The following TMEM138 variants were observed in gnomAD, a reference collection of about 807,000 sequenced individuals.
TMEM138 encodes transmembrane protein 138.
In TMEM138, 9 loss-of-function variants were observed where a neutral mutation model predicts 18.1. The ratio of observed to expected loss-of-function variants is 0.50; its 90% CI spans 0.30 to 0.87. The LOEUF is 0.87. Among genes scored for constraint, TMEM138 ranks in the 40% least tolerant of loss-of-function variants. TMEM138 has a pLI of 0.06. For missense variants in TMEM138, 189 were observed against 190.6 expected (o/e 0.99, Z 0.05); for synonymous variants, 79 against 74.8 (o/e 1.06, Z -0.29).
In TMEM138 at chr11:61,366,171, A is replaced by C; in HGVS notation, c.255A>C (p.Thr85=). 6.2e-7 allele frequency: 1 copy of C among 1,614,208 alleles called. No individual in the cohort carries two copies. Among genetic ancestry groups the C allele is most frequent in the Admixed American group, 1.7e-5 (1 of 60,020 alleles). ...FHKFKGTIIL[T]AVYFALSISL... ...AGTTCAAAGGGACCATCATCCTGAC[A>C]GCTGTGTACTTTGCCCTCAGCATCT... Residue 85 remains threonine, a synonymous_variant, in exon 3 of 5, where the codon ACA becomes ACC. Transcript: ENST00000278826.
rs1229102117 is a variant in TMEM138 at position 61,368,981 on chromosome 11, G to A, written c.*272G>A. 3 of 390,018 alleles carry A rather than the reference G, an allele frequency of 7.7e-6. No individual in the cohort carries two copies. The highest frequency in any genetic ancestry group is 2.0e-5 in the African/African-American group (1 of 49,072). The allele number at this position is 390,018 out of a possible 1,614,324, so 24.2% of individuals were successfully genotyped here. A position where few individuals can be genotyped will look rare whatever the true frequency, so the allele number is the denominator to read the frequency against. On this transcript the variant is annotated 3_prime_UTR_variant, in exon 5 of 5. Coordinates refer to ENST00000278826, the MANE Select transcript of TMEM138 (RefSeq NM_016464.5). ...TCTGTACCATTCATTCTCCCTGACC[G>A]GCCTTTCTTGCCGAGGGTTCTGTGG...
chr11:61,363,857 A>C (rs1858036055), intron 1 of TMEM138: 1 of 152,326 alleles, frequency 6.6e-6, no homozygotes, highest in Non-Finnish European at 1.5e-5. Context: ...TCTCATCTGT[A>C]AAATGGGGAA....
At chr11:61,370,443 TTGA>T (rs367706565), downstream of TMEM138, among the ~76,000 whole-genome samples, 31 of 152,332 alleles carry the variant, frequency 2.0e-4, no homozygotes, top group Non-Finnish European at 3.2e-4. Flanking sequence ...GACTAAAGCG[TTGA>T]TGATAGTGGA....
rs1056796256 is a variant in TMEM138, at chr11:61,368,962, C to T, written c.*253C>T. On this transcript the variant is annotated 3_prime_UTR_variant, in exon 5 of 5. Transcript: ENST00000278826. ...CCCTTTCCTTCCTTTCCTCTCTGTA[C>T]CATTCATTCTCCCTGACCGGCCTTT... is the stretch of plus-strand genomic sequence containing the variant. 4.4e-6 allele frequency: 2 copies of T among 452,956 alleles called. No homozygotes were observed. The highest frequency in any genetic ancestry group is 3.9e-5 in the East Asian group (1 of 25,348). 28.1% of individuals were successfully genotyped at this position (452,956 alleles called of 1,614,324 possible). A position where few individuals can be genotyped will look rare whatever the true frequency, so the allele number is the denominator to read the frequency against.
intron 2 of TMEM138, 123 bp downstream of exon 2, chr11:61,364,641 G>A: frequency 7.3e-7 from 1 of 1,371,608 alleles, no homozygotes; most frequent in Non-Finnish European, 9.8e-7. Context: ...ATAATCCCAG[G>A]ACTTTGGGAA....
Position 61,364,382 on chromosome 11 carries a change from AGAAG to A in TMEM138, c.-4_-1del. On this transcript the variant is annotated 5_prime_UTR_variant, in exon 2 of 5. Coordinates refer to ENST00000278826, the MANE Select transcript of TMEM138 (RefSeq NM_016464.5). ...TGTGCCCTTGGGGGCCCGAGAAAAC[AGAAG>A]GAAGATGCTCCAGACCAGTAACTAC... is the stretch of plus-strand genomic sequence containing the variant. 6.2e-7 allele frequency: 1 copy of A among 1,613,916 alleles called. No homozygotes were observed. The highest frequency in any genetic ancestry group is 8.5e-7 in the Non-Finnish European group (1 of 1,179,854).
At chr11:61,371,192 G>A (rs1269049415), downstream of TMEM138, among the ~76,000 whole-genome samples, 1 of 151,980 alleles carries the variant, frequency 6.6e-6, no homozygotes, top group African/African-American at 2.4e-5. Context: ...GTGCCGCCAC[G>A]CCCAGCTAAT....
chr11:61,366,000 C>A, intron 2 of TMEM138, 45 bp from the exon 3 acceptor site: 1 of 1,575,882 alleles, frequency 6.3e-7, no homozygotes, highest in South Asian at 1.2e-5. Flanking sequence ...GCTCTTGGGT[C>A]CTCACACAGG....
At chr11:61,374,539 G>A (rs1290440611), downstream of TMEM138, among the ~76,000 whole-genome samples, 1 of 152,092 alleles carries the variant, frequency 6.6e-6, no homozygotes, top group Admixed American at 6.6e-5. Flanking sequence ...TGCCACAGAG[G>A]TAACAAATTT....
At chr11:61,364,855 A>C in intron 2 of TMEM138, 1 of 159,958 alleles carries the variant, frequency 6.3e-6, no homozygotes, top group Non-Finnish European at 1.3e-5. Context: ...TGATCATGCC[A>C]CTGCACTCCA....
chr11:61,376,257 G>A (rs1040055596), downstream of TMEM138, among the ~76,000 whole-genome samples: 1 of 152,010 alleles, frequency 6.6e-6, no homozygotes, highest in African/African-American at 2.4e-5. Context: ...GCTGAGGTGG[G>A]ATAATCACTT....
intron 3 of TMEM138, 81 bp downstream of exon 3, chr11:61,366,297 T>C: frequency 6.8e-7 from 1 of 1,475,936 alleles, no homozygotes; most frequent in South Asian, 1.4e-5. Flanking sequence ...AAGGCTGGTC[T>C]CAAACTCCTG....
downstream of TMEM138, among the ~76,000 whole-genome samples, chr11:61,376,671 G>C (rs1395243309): frequency 6.6e-6 from 1 of 152,124 alleles, no homozygotes; most frequent in African/African-American, 2.4e-5. Flanking sequence ...CCTGCCTACC[G>C]ATGTATGGAC....
intron 1 of TMEM138, 73 bp downstream of exon 1, chr11:61,362,493 G>A (rs1857953601): frequency 6.6e-6 from 1 of 152,328 alleles, no homozygotes; most frequent in Non-Finnish European, 1.5e-5. Context: ...TTTGGGCTTG[G>A]GTTTTATGCT....
At position 61,368,701 on chromosome 11, in the gene TMEM138, C is replaced by T. The variant is rs1000923142; in HGVS notation, c.481C>T (p.Arg161Ter). The change falls in exon 5 of 5, where the codon CGA becomes TGA. Residue 161 changes from arginine to a stop codon, truncating the protein, a stop_gained. Coordinates refer to ENST00000278826, the MANE Select transcript of TMEM138 (RefSeq NM_016464.5). LOFTEE classifies it high-confidence loss of function. ...LWLRKEFMQVRR is the reference protein window; with the variant it reads ...LWLRKEFMQV The stretch of plus-strand genomic sequence containing the variant: ...GCTGCGCAAGGAGTTCATGCAAGTT[C>T]GAAGGTGACCTCTTGTCACACTGAT... The T allele has an allele frequency of 1.2e-5, 19 of 1,612,466 alleles. No homozygotes were observed. The highest frequency in any genetic ancestry group is 1.4e-5 in the Non-Finnish European group (16 of 1,178,784).
downstream of TMEM138, among the ~76,000 whole-genome samples, chr11:61,374,077 A>C (rs1858402234): frequency 6.6e-6 from 1 of 150,514 alleles, no homozygotes; most frequent in African/African-American, 2.5e-5. Context: ...TCCTGAGCTC[A>C]GGTGATCCAT....
Position 61,368,902 on chromosome 11 carries a change from G to A in TMEM138, c.*193G>A, listed in dbSNP as rs931168690. 2.9e-5 allele frequency: 17 copies of A among 591,434 alleles called. No homozygotes were observed. Among genetic ancestry groups the A allele is most frequent in the Non-Finnish European group, 4.3e-5 (14 of 328,146 alleles). The allele number at this position is 591,434 out of a possible 1,614,324, so 36.6% of individuals were successfully genotyped here. A position where few individuals can be genotyped will look rare whatever the true frequency, so the allele number is the denominator to read the frequency against. ...GAGTGTCCCCATCGGTCTCCAGTGCGGCATCCCTTCCTTGCCTTCTACCTC... is the reference window on the plus strand; with the variant it reads ...GAGTGTCCCCATCGGTCTCCAGTGCAGCATCCCTTCCTTGCCTTCTACCTC... On this transcript the variant is annotated 3_prime_UTR_variant, in exon 5 of 5. Coordinates refer to ENST00000278826, the MANE Select transcript of TMEM138 (RefSeq NM_016464.5).
Position 61,364,267 on chromosome 11 carries a change from C to A in TMEM138, c.-124C>A. The A allele has an allele frequency of 8.1e-7, 1 of 1,233,628 alleles. No individual in the cohort carries two copies. Among genetic ancestry groups the A allele is most frequent in the Non-Finnish European group, 1.1e-6 (1 of 883,922 alleles). 76.4% of individuals were successfully genotyped at this position (1,233,628 alleles called of 1,614,324 possible). On this transcript the variant is annotated 5_prime_UTR_variant, in exon 2 of 5. Transcript: ENST00000278826. ...GCTCCAACAGGTGCTTGCCTTAGAG[C>A]AAGGGAAACAGCTCTCATTCAAAGG...
chr11:61,370,746 G>C (rs1039633549), downstream of TMEM138, among the ~76,000 whole-genome samples: 2 of 152,128 alleles, frequency 1.3e-5, no homozygotes, highest in African/African-American at 4.8e-5. Context: ...GAGGTCTTGA[G>C]GGTACAACCA....
Sources: allele counts gnomAD v4.1 joint callset (sites outside exome capture counted in the v4.1 genomes callset), GRCh38; gene constraint gnomAD v4.1.1; transcripts MANE v1.5; gene names NCBI Gene and HGNC (gene_info 2026-07-23, HGNC 2026-07-21).